Variants in MMD2 observed in about 807,000 individuals in gnomAD.
The protein encoded by MMD2 is monocyte to macrophage differentiation associated 2, also known as monocyte to macrophage differentiation factor 2.
MMD2 carries 30 observed loss-of-function variants against 33.5 expected under a neutral mutation model. The ratio of observed to expected loss-of-function variants is 0.90; its 90% CI spans 0.67 to 1.22. The LOEUF (loss-of-function observed/expected upper bound fraction) is 1.22, where lower values mean the gene tolerates loss of function less well. Among genes scored for constraint, MMD2 ranks in the 50% most tolerant of loss-of-function variants. The pLI is 0.00. For missense variants in MMD2, 364 were observed against 325.4 expected, an observed-to-expected ratio of 1.12 and a Z score of -0.91; for synonymous variants, 129 against 123.0, an observed-to-expected ratio of 1.05 and a Z score of -0.32.
intron 2 of MMD2, among the ~76,000 whole-genome samples, chr7:4,923,408 C>A (rs965949180): frequency 6.6e-6 from 1 of 152,030 alleles, no homozygotes; most frequent in Non-Finnish European, 1.5e-5. Flanking sequence ...CCGGCCAATT[C>A]AGCACCTCTT....
At chr7:4,916,212 C>G (rs976971745) in intron 3 of MMD2, 133 bp from the exon 4 acceptor site, 2 of 714,166 alleles carry the variant, frequency 2.8e-6, no homozygotes, top group Non-Finnish European at 4.7e-6. Flanking sequence ...CCAGCCAAGA[C>G]CCCTTGGCCC....
chr7:4,904,134 C>T (rs1051688986), downstream of MMD2, among the ~76,000 whole-genome samples: 9 of 152,034 alleles, frequency 5.9e-5, no homozygotes, highest in African/African-American at 9.7e-5. Context: ...GGTTTCACCA[C>T]GTTGGCCAGG....
At chr7:4,903,780 C>T (rs1784825105), downstream of MMD2, among the ~76,000 whole-genome samples, 1 of 152,218 alleles carries the variant, frequency 6.6e-6, no homozygotes, top group African/African-American at 2.4e-5. Context: ...CAGAGGCCAA[C>T]GAGTCCAGAA....
intron 1 of MMD2, among the ~76,000 whole-genome samples, chr7:4,933,600 C>T (rs1185809686): frequency 6.6e-6 from 1 of 151,060 alleles, no homozygotes; most frequent in East Asian, 1.9e-4. Context: ...CATGGACATA[C>T]CAGAGTTTGT....
chr7:4,948,829 T>C (rs1277696896), intron 1 of MMD2, among the ~76,000 whole-genome samples: 2 of 152,146 alleles, frequency 1.3e-5, no homozygotes, highest in African/African-American at 4.8e-5. Context: ...TTCTATAAAT[T>C]TCTATGGTTT....
chr7:4,892,672 T>C, the MMD2 span, among the ~76,000 whole-genome samples: 1 of 151,970 alleles, frequency 6.6e-6, no homozygotes, highest in African/African-American at 2.4e-5. Context: ...TAGAACATAC[T>C]AAGAGTGTTG....
chr7:4,911,661 T>C (rs183710448), intron 4 of MMD2, among the ~76,000 whole-genome samples: 3 of 151,972 alleles, frequency 2.0e-5, no homozygotes, highest in Admixed American at 2.0e-4. Flanking sequence ...TTTATTTTAT[T>C]TTATTGAGAT....
downstream of MMD2, among the ~76,000 whole-genome samples, chr7:4,903,231 C>A (rs1284639597): frequency 1.3e-5 from 2 of 152,104 alleles, no homozygotes; most frequent in African/African-American, 2.4e-5. Flanking sequence ...GAGCGAGACT[C>A]CATGTCAAAA....
At chr7:4,929,438 CA>C (rs1186726956) in intron 1 of MMD2, among the ~76,000 whole-genome samples, 5 of 152,138 alleles carry the variant, frequency 3.3e-5, no homozygotes, top group African/African-American at 1.2e-4. Context: ...ACACGCCGCC[CA>C]TCCACCCACC....
chr7:4,947,187 G>A (rs1457148404), intron 1 of MMD2, among the ~76,000 whole-genome samples: 6 of 151,978 alleles, frequency 3.9e-5, no homozygotes, highest in Admixed American at 6.6e-5. Flanking sequence ...CAGCCTGGGT[G>A]ACAGAGCAAG....
At chr7:4,932,785 T>A (rs541046810) in intron 1 of MMD2, among the ~76,000 whole-genome samples, 13 of 151,820 alleles carry the variant, frequency 8.6e-5, no homozygotes, top group Admixed American at 7.2e-4. Flanking sequence ...ACCACCCCTG[T>A]CTAATTTTTG....
At position 4,920,151 on chromosome 7, in the gene MMD2, C is replaced by A; in HGVS notation, c.290+20G>T. 6.4e-7 allele frequency: 1 copy of A among 1,551,702 alleles called. No individual in the cohort carries two copies. On this transcript the variant is annotated intron_variant, in intron 3 of 6. Coordinates refer to ENST00000401401, the MANE Select transcript of MMD2 (RefSeq NM_198403.4). Reference sequence around the variant, plus strand: ...CCCCGACCCCCTACCCGGCATGGGTCCCCTCTGGGCGGGAGGCACCTGAGG... The same window carrying A: ...CCCCGACCCCCTACCCGGCATGGGTACCCTCTGGGCGGGAGGCACCTGAGG...
intron 1 of MMD2, among the ~76,000 whole-genome samples, chr7:4,949,583 C>T (rs1225443504): frequency 6.6e-6 from 1 of 151,988 alleles, no homozygotes; most frequent in Non-Finnish European, 1.5e-5. Context: ...GCAATCTCGG[C>T]TCACTGCAAC....
At chr7:4,957,641 C>G (rs909749678) in intron 1 of MMD2, among the ~76,000 whole-genome samples, 4 of 144,124 alleles carry the variant, frequency 2.8e-5, no homozygotes, top group African/African-American at 4.9e-5. Context: ...AAGAGCGAGA[C>G]TCCATCTCAG....
At chr7:4,958,094 C>T (rs1786436373) in intron 1 of MMD2, among the ~76,000 whole-genome samples, 1 of 152,154 alleles carries the variant, frequency 6.6e-6, no homozygotes, top group African/African-American at 2.4e-5. Context: ...CCCCAGGTGG[C>T]AGAGGGGGAA....
At chr7:4,910,032 G>T (rs181913358) in intron 5 of MMD2, 82 bp from the exon 6 acceptor site, 5 of 1,613,788 alleles carry the variant, frequency 3.1e-6, no homozygotes, top group East Asian at 4.5e-5. Flanking sequence ...TCTTGGGGAA[G>T]AGGGAACACT....
chr7:4,907,637 G>A, intron 6 of MMD2, 38 bp from the exon 7 acceptor site: 1 of 1,603,584 alleles, frequency 6.2e-7, no homozygotes, highest in Non-Finnish European at 8.5e-7. Flanking sequence ...AGGTCAGAGG[G>A]GCAGTCAGTG....
At chr7:4,920,699 T>G (rs1239889403) in intron 2 of MMD2, among the ~76,000 whole-genome samples, 2 of 73,478 alleles carry the variant, frequency 2.7e-5, no homozygotes, top group Non-Finnish European at 5.4e-5. Context: ...CCTCCCTCCC[T>G]CCCTCCCTCC....
At chr7:4,917,083 G>A (rs79107072) in intron 3 of MMD2, among the ~76,000 whole-genome samples, 1,967 of 152,070 alleles carry the variant, frequency 0.013, 27 homozygotes, top group Non-Finnish European at 0.02. Context: ...AAAAAAAAGT[G>A]CAAAAACTAC....
Sources: gnomAD v4.1 joint callset for allele counts (sites outside exome capture counted in the v4.1 genomes callset) on GRCh38, gnomAD v4.1.1 for gene constraint, MANE v1.5 for transcripts, NCBI Gene and HGNC (gene_info 2026-07-23, HGNC 2026-07-21) for gene names.